Variants in RORA observed in about 807,000 individuals in gnomAD.
RORA encodes nuclear receptor ROR-alpha.
In RORA, 7 loss-of-function variants were observed where a neutral mutation model predicts 69.5. The observed-to-expected ratio is 0.10, with a 90% CI of 0.06 to 0.19. The LOEUF is 0.19. RORA is among the 10% of genes least tolerant of loss of function. The pLI is 1.00. For synonymous variants in RORA, 261 were observed against 240.8 expected (o/e 1.08, Z -0.78); for missense variants, 457 against 663.0 (o/e 0.69, Z 3.41).
At chr15:60,894,785 A>G (rs1418004017) in intron 1 of RORA, among the ~76,000 whole-genome samples, 1 of 152,192 alleles carries the variant, frequency 6.6e-6, no homozygotes, top group Middle Eastern at 3.2e-3. Context: ...TGGGCTGAAA[A>G]GACACTTTCA....
intron 1 of RORA, among the ~76,000 whole-genome samples, chr15:60,750,091 A>G (rs2071702766): frequency 6.6e-6 from 1 of 152,206 alleles, no homozygotes; most frequent in African/African-American, 2.4e-5. Context: ...TTCATTTATT[A>G]TTTCATATTA....
intron 1 of RORA, among the ~76,000 whole-genome samples, chr15:61,180,186 C>G (rs2079670528): frequency 7.4e-6 from 1 of 135,900 alleles, no homozygotes; most frequent in African/African-American, 2.7e-5. Context: ...TGTAGAGCAA[C>G]AATTACTACA....
intron 1 of RORA, among the ~76,000 whole-genome samples, chr15:60,879,726 A>T (rs775295558): frequency 2.0e-5 from 3 of 152,256 alleles, no homozygotes; most frequent in Non-Finnish European, 4.4e-5. Context: ...TTTATGTCTA[A>T]CAGGCTAATA....
intron 1 of RORA, among the ~76,000 whole-genome samples, chr15:61,187,376 C>A (rs2079754137): frequency 6.6e-6 from 1 of 152,260 alleles, no homozygotes; most frequent in Non-Finnish European, 1.5e-5. Flanking sequence ...AATGGCATGA[C>A]AAAGAGACTC....
At chr15:60,790,871 T>C (rs891071397) in intron 1 of RORA, among the ~76,000 whole-genome samples, 2 of 152,288 alleles carry the variant, frequency 1.3e-5, no homozygotes, top group South Asian at 2.1e-4. Context: ...ACCAGATGGT[T>C]CCAGGGTTAC....
At chr15:60,514,550 G>A (rs2065804748) in intron 4 of RORA, 66 bp downstream of exon 4, 1 of 1,516,212 alleles carries the variant, frequency 6.6e-7, no homozygotes, top group South Asian at 1.2e-5. Flanking sequence ...GCAGATCTGA[G>A]TCCAGGTTTC....
intron 1 of RORA, among the ~76,000 whole-genome samples, chr15:60,814,719 G>C (rs550228565): frequency 8.5e-5 from 13 of 152,092 alleles, no homozygotes; most frequent in Admixed American, 3.9e-4. Context: ...ACCTTACCTG[G>C]CTTTGTTTGC....
chr15:60,520,367 T>G (rs1260172585), intron 3 of RORA: 4 of 151,724 alleles, frequency 2.6e-5, no homozygotes, highest in Admixed American at 6.8e-5. Flanking sequence ...TTGGGTTGCT[T>G]CTTTTTCTTT....
chr15:60,727,651 G>T (rs189427306), intron 1 of RORA, among the ~76,000 whole-genome samples: 11 of 152,162 alleles, frequency 7.2e-5, no homozygotes, highest in Admixed American at 5.2e-4. Context: ...AAGGGAGAAG[G>T]TCCTGGAACA....
chr15:61,003,161 A>G (rs1031878366), intron 1 of RORA, among the ~76,000 whole-genome samples: 14 of 152,048 alleles, frequency 9.2e-5, no homozygotes, highest in Admixed American at 2.0e-4. Flanking sequence ...AAAAAAAAGA[A>G]AAGAAAATAC....
chr15:61,081,740 A>G (rs782906), intron 1 of RORA, among the ~76,000 whole-genome samples: 135,334 of 150,682 alleles, frequency 0.9, 60,859 homozygotes, highest in East Asian at 0.93. Flanking sequence ...CCTGGGAGGC[A>G]GAGCTTGCAG....
At chr15:61,125,345 AT>A (rs1349908551) in intron 1 of RORA, among the ~76,000 whole-genome samples, 1 of 152,212 alleles carries the variant, frequency 6.6e-6, no homozygotes. Flanking sequence ...GTGTTATCAA[AT>A]TATAAACTTG....
intron 1 of RORA, among the ~76,000 whole-genome samples, chr15:60,844,090 T>C (rs2073235015): frequency 6.6e-6 from 1 of 152,226 alleles, no homozygotes. Context: ...AAATGCCTGC[T>C]CCTTTTCATA....
At chr15:61,066,804 A>G (rs1470354788) in intron 1 of RORA, among the ~76,000 whole-genome samples, 1 of 143,766 alleles carries the variant, frequency 7.0e-6, no homozygotes, top group African/African-American at 2.6e-5. Context: ...TAAAAATGTC[A>G]TTTCTCAAGT....
chr15:60,811,263 C>A (rs570752105), intron 1 of RORA, among the ~76,000 whole-genome samples: 1 of 152,130 alleles, frequency 6.6e-6, no homozygotes. Flanking sequence ...TTTAGCCCAT[C>A]GATTTCATTT....
At chr15:61,138,025 C>T (rs1395477073) in intron 1 of RORA, among the ~76,000 whole-genome samples, 2 of 152,294 alleles carry the variant, frequency 1.3e-5, no homozygotes, top group East Asian at 3.9e-4. Flanking sequence ...GAGACTTTTC[C>T]ATGCTTTCTT....
intron 1 of RORA, among the ~76,000 whole-genome samples, chr15:61,096,637 A>G (rs2140734066): frequency 6.6e-6 from 1 of 152,332 alleles, no homozygotes; most frequent in South Asian, 2.1e-4. Context: ...GGGATGAGAC[A>G]AGAGCTGGAT....
chr15:60,946,979 C>A (rs1892902263), intron 1 of RORA, among the ~76,000 whole-genome samples: 1 of 151,290 alleles, frequency 6.6e-6, no homozygotes, highest in South Asian at 2.1e-4. Context: ...AAGTGAGGAG[C>A]CCCTCCGTCC....
intron 1 of RORA, among the ~76,000 whole-genome samples, chr15:61,163,867 G>A (rs2079518253): frequency 6.6e-6 from 1 of 152,188 alleles, no homozygotes; most frequent in African/African-American, 2.4e-5. Context: ...ATTGTTGCCT[G>A]CATGATCCAC....
Sources: allele counts gnomAD v4.1 joint callset (sites outside exome capture counted in the v4.1 genomes callset), GRCh38; gene constraint gnomAD v4.1.1; transcripts MANE v1.5; gene names NCBI Gene and HGNC (gene_info 2026-07-23, HGNC 2026-07-21).